RASGRF2: variants seen among roughly 807,000 people sequenced by gnomAD.
The protein encoded by RASGRF2 is Ras protein specific guanine nucleotide releasing factor 2.
RASGRF2 carries 76 observed loss-of-function variants against 151.0 expected under a neutral mutation model. The observed-to-expected ratio is 0.50, with a 90% confidence interval of 0.42 to 0.61. The LOEUF is 0.61. Among genes scored for constraint, RASGRF2 ranks in the 20% least tolerant of loss-of-function variants. RASGRF2 has a pLI of 0.00. For synonymous variants in RASGRF2, 504 were observed against 566.5 expected, an observed-to-expected ratio of 0.89 and a Z score of 1.57; for missense variants, 1,148 against 1,564.6, an observed-to-expected ratio of 0.73 and a Z score of 4.49.
chr5:81,085,928 TAACAA>T lies in RASGRF2; in HGVS notation c.1271+19_1271+23del. The T allele has an allele frequency of 6.2e-7, 1 of 1,613,998 alleles. No individual in the cohort carries two copies. Among genetic ancestry groups the T allele is most frequent in the South Asian group, 1.1e-5 (1 of 91,072 alleles). On this transcript the variant is annotated intron_variant, in intron 8 of 26. Transcript: ENST00000265080. ...ACTATCCAGGTATGCCAAGAACTTA[TAACAA>T]AGGCTTGGGAGAGGAAAGCAGCAAG... is the stretch of plus-strand genomic sequence containing the variant.
intron 1 of RASGRF2, among the ~76,000 whole-genome samples, chr5:81,042,659 A>G (rs1416889252): frequency 6.6e-6 from 1 of 152,188 alleles, no homozygotes; most frequent in African/African-American, 2.4e-5. Flanking sequence ...TTAAGGGTTG[A>G]CCCTTACTGA....
chr5:81,188,607 TA>T (rs967214886), intron 18 of RASGRF2, among the ~76,000 whole-genome samples: 6 of 151,482 alleles, frequency 4.0e-5, no homozygotes, highest in Non-Finnish European at 7.4e-5. Flanking sequence ...AAACCCAATT[TA>T]AAAAAAAATA....
At chr5:81,192,640 G>A (rs1755175926) in intron 18 of RASGRF2, among the ~76,000 whole-genome samples, 2 of 152,230 alleles carry the variant, frequency 1.3e-5, no homozygotes, top group South Asian at 4.1e-4. Context: ...TCCCCTGGAA[G>A]AGGGTTTCAA....
Position 80,978,567 on chromosome 5 carries a change from A to G in RASGRF2, c.288+17541A>G, listed in dbSNP as rs568556779. On this transcript the variant is annotated intron_variant, in intron 1 of 26. Coordinates refer to ENST00000265080, the MANE Select transcript of RASGRF2 (RefSeq NM_006909.3). ...TTTGGGAGGCTGAGGTGGGCAGATC[A>G]CCTGAGGTCAGGTGTTCGTGACCAG... 3.0e-4 allele frequency among the ~76,000 whole-genome samples: 46 copies of G among 152,294 alleles called. No individual in the cohort carries two copies. In the South Asian group the frequency reaches 9.5e-3, roughly 32 times the overall value.
In RASGRF2 at chr5:81,205,860, C is replaced by T. The variant is rs138358357; in HGVS notation, c.2907-985C>T. Reference sequence around the variant, plus strand: ...CTGCCTCCTTGGTTCACGCCATTCTCCTGCCTCAGCCTCCCGAGTAGCTGG... The same window carrying T: ...CTGCCTCCTTGGTTCACGCCATTCTTCTGCCTCAGCCTCCCGAGTAGCTGG... On this transcript the variant is annotated intron_variant, in intron 19 of 26. Transcript: ENST00000265080. Among the ~76,000 whole-genome samples the T allele has an allele frequency of 2.4e-3, 365 of 152,280 alleles. 5 individuals carry two copies. The East Asian group carries it at 0.033, about 14-fold the overall frequency.
rs1561544850 is a variant in RASGRF2, at chr5:80,996,521, C to CTTCTTCTTCTTCTTCTT, written c.288+35495_288+35496insTTCTTCTTCTTCTTCTT. 8.9e-4 allele frequency among the ~76,000 whole-genome samples: 22 copies of CTTCTTCTTCTTCTTCTT among 24,698 alleles called. 2 individuals carry two copies. The highest frequency in any genetic ancestry group is 1.2e-3 in the African/African-American group (8 of 6,428). 16.2% of individuals were successfully genotyped at this position (24,698 alleles called of 152,430 possible). A position where few individuals can be genotyped will look rare whatever the true frequency, so the allele number is the denominator to read the frequency against. ...TTCTTCTTCCTCCTCCTCCTCCTCC[C>CTTCTTCTTCTTCTTCTT]CCTCCTCCTCCTCCCCCTCCTCCTC... is the stretch of plus-strand genomic sequence containing the variant. On this transcript the variant is annotated intron_variant, in intron 1 of 26. Transcript: ENST00000265080.
chr5:81,066,687 A>G (rs1286280973), intron 2 of RASGRF2, among the ~76,000 whole-genome samples: 1 of 152,132 alleles, frequency 6.6e-6, no homozygotes, highest in African/African-American at 2.4e-5. Context: ...TTTGGCTCGG[A>G]TGTGGCCAAA....
Position 81,195,326 on chromosome 5 carries a change from T to C in RASGRF2, c.2794-6004T>C, listed in dbSNP as rs1463055795. Reference sequence around the variant, plus strand: ...TGGGGAAATGTAGCCAATAATTACATGCCGGACAATTACAACATAGCTGTC... The same window carrying C: ...TGGGGAAATGTAGCCAATAATTACACGCCGGACAATTACAACATAGCTGTC... On this transcript the variant is annotated intron_variant, in intron 18 of 26. Coordinates refer to ENST00000265080, the MANE Select transcript of RASGRF2 (RefSeq NM_006909.3). 2.0e-5 allele frequency among the ~76,000 whole-genome samples: 3 copies of C among 152,184 alleles called. No individual in the cohort carries two copies. The East Asian group carries it at 5.8e-4, about 29-fold the overall frequency.
intron 19 of RASGRF2, among the ~76,000 whole-genome samples, chr5:81,203,331 C>G (rs1755437732): frequency 6.6e-6 from 1 of 152,198 alleles, no homozygotes; most frequent in Non-Finnish European, 1.5e-5. Flanking sequence ...TCAGGATCAA[C>G]CAGTATGAGG....
intron 17 of RASGRF2, among the ~76,000 whole-genome samples, chr5:81,138,684 A>G (rs192978002): frequency 2.4e-4 from 36 of 151,966 alleles, no homozygotes; most frequent in Admixed American, 2.0e-3. Flanking sequence ...CATCAATACA[A>G]CCATTCAAGT....
At chr5:81,106,407 C>T (rs926873744) in intron 12 of RASGRF2, among the ~76,000 whole-genome samples, 5 of 152,120 alleles carry the variant, frequency 3.3e-5, no homozygotes, top group Admixed American at 6.5e-5. Flanking sequence ...TTCCATTGAA[C>T]GAATACCACC....
chr5:81,097,918 A>G (rs1336363774), intron 12 of RASGRF2, among the ~76,000 whole-genome samples: 1 of 152,230 alleles, frequency 6.6e-6, no homozygotes, highest in African/African-American at 2.4e-5. Flanking sequence ...AATGCCATGA[A>G]CTGTCTTAGG....
chr5:81,105,440 T>C (rs1752820518), intron 12 of RASGRF2, among the ~76,000 whole-genome samples: 1 of 152,082 alleles, frequency 6.6e-6, no homozygotes, highest in Non-Finnish European at 1.5e-5. Context: ...ACTTAAACAG[T>C]GTGGTTGTCT....
chr5:81,064,675 C>T (rs1473547567), intron 2 of RASGRF2, among the ~76,000 whole-genome samples: 1 of 152,132 alleles, frequency 6.6e-6, no homozygotes, highest in African/African-American at 2.4e-5. Context: ...AATGCTGCAT[C>T]GTGTAACATG....
chr5:81,178,545 G>T (rs1357693090), intron 17 of RASGRF2, among the ~76,000 whole-genome samples: 1 of 152,228 alleles, frequency 6.6e-6, no homozygotes, highest in African/African-American at 2.4e-5. Flanking sequence ...TAATTTGCTT[G>T]TAGGTAATCA....
chr5:81,010,901 C>T (rs985965650), intron 1 of RASGRF2, among the ~76,000 whole-genome samples: 9 of 152,114 alleles, frequency 5.9e-5, no homozygotes, highest in African/African-American at 1.7e-4. Flanking sequence ...GTATATTTTT[C>T]TACTTCTAAA....
At chr5:81,153,881 A>G (rs1390809534) in intron 17 of RASGRF2, among the ~76,000 whole-genome samples, 1 of 151,678 alleles carries the variant, frequency 6.6e-6, no homozygotes, top group East Asian at 1.9e-4. Flanking sequence ...TATTCCACGT[A>G]AAAAAAATTC....
chr5:81,145,328 C>A (rs1348458046), intron 17 of RASGRF2, among the ~76,000 whole-genome samples: 1 of 89,594 alleles, frequency 1.1e-5, no homozygotes, highest in Non-Finnish European at 2.5e-5. Flanking sequence ...ATAGCTGGAA[C>A]CTTGTTATTT....
At chr5:81,027,393 GT>G (rs1750074538) in intron 1 of RASGRF2, among the ~76,000 whole-genome samples, 1 of 152,150 alleles carries the variant, frequency 6.6e-6, no homozygotes. Context: ...ACCAAATACT[GT>G]TCTAGAATGT....
Sources: gnomAD v4.1 joint callset for allele counts (sites outside exome capture counted in the v4.1 genomes callset) on GRCh38, gnomAD v4.1.1 for gene constraint, MANE v1.5 for transcripts, NCBI Gene and HGNC (gene_info 2026-07-23, HGNC 2026-07-21) for gene names.